FBXL20: variants seen among roughly 807,000 people sequenced by gnomAD.
The protein encoded by FBXL20 is F-box/LRR-repeat protein 20.
FBXL20 carries 11 observed loss-of-function variants against 64.0 expected under a neutral mutation model. That is an observed-to-expected ratio of 0.17 (90% CI 0.11 to 0.28). FBXL20 has a LOEUF of 0.28. Ranked by LOEUF, FBXL20 falls within the 10% of genes least tolerant of loss-of-function variation. FBXL20 has a pLI of 1.00. For missense variants in FBXL20, 303 were observed against 526.2 expected, an observed-to-expected ratio of 0.58 and a Z score of 4.15; for synonymous variants, 184 against 189.0, an observed-to-expected ratio of 0.97 and a Z score of 0.22.
chr17:39,364,061 T>C (rs2047833467), intron 1 of FBXL20, among the ~76,000 whole-genome samples: 1 of 151,830 alleles, frequency 6.6e-6, no homozygotes, highest in Non-Finnish European at 1.5e-5. Context: ...GACTAGTTTT[T>C]GTATTTTTAG....
intron 1 of FBXL20, among the ~76,000 whole-genome samples, chr17:39,379,485 C>CAAA (rs375953565): frequency 3.1e-5 from 4 of 127,090 alleles, no homozygotes; most frequent in Admixed American, 8.1e-5. Context: ...CATCCCTTAC[C>CAAA]AAAAAAAAAA....
At chr17:39,311,482 G>A (rs1046424399) in intron 2 of FBXL20, among the ~76,000 whole-genome samples, 9 of 152,066 alleles carry the variant, frequency 5.9e-5, no homozygotes, top group Non-Finnish European at 1.2e-4. Flanking sequence ...AAATAACCAG[G>A]AAAGGTTGTA....
chr17:39,312,942 G>A (rs971262142), intron 2 of FBXL20, among the ~76,000 whole-genome samples: 4 of 123,510 alleles, frequency 3.2e-5, no homozygotes, highest in African/African-American at 1.4e-4. Flanking sequence ...TTTTTGAGAT[G>A]GAGGCGCATC....
chr17:39,311,589 T>G lies in FBXL20; in HGVS notation c.105-7950A>C, dbSNP rs144931650. ...TTCAATATTGATTATCCAACTCCACTCCCAAATAAACATATATACTTCCAA... is the reference window on the plus strand; with the variant it reads ...TTCAATATTGATTATCCAACTCCACGCCCAAATAAACATATATACTTCCAA... On this transcript the variant is annotated intron_variant, in intron 2 of 14. Coordinates refer to ENST00000264658, the MANE Select transcript of FBXL20 (RefSeq NM_032875.3). Among the ~76,000 whole-genome samples, 412 of 152,188 alleles carry G rather than the reference T, an allele frequency of 2.7e-3. 2 individuals carry two copies. The highest frequency in any genetic ancestry group is 9.4e-3 in the African/African-American group (389 of 41,520).
chr17:39,313,443 G>A (rs1229299483), intron 2 of FBXL20, among the ~76,000 whole-genome samples: 2 of 150,674 alleles, frequency 1.3e-5, no homozygotes, highest in African/African-American at 2.4e-5. Flanking sequence ...ATGTTGGCCA[G>A]GCTGGTCTCA....
At chr17:39,337,985 T>C (rs1387186191) in intron 2 of FBXL20, among the ~76,000 whole-genome samples, 1 of 138,316 alleles carries the variant, frequency 7.2e-6, no homozygotes, top group East Asian at 2.4e-4. Context: ...CGGCCGCCCC[T>C]ACTGGGAAGT....
At chr17:39,261,657 A>G (rs1442863536) in intron 14 of FBXL20, 90 bp from the exon 15 acceptor site, 1 of 936,950 alleles carries the variant, frequency 1.1e-6, no homozygotes. Flanking sequence ...GAGGGGCTCA[A>G]TGAACATAAA....
chr17:39,320,487 A>G (rs2144511119), intron 2 of FBXL20, among the ~76,000 whole-genome samples: 1 of 152,222 alleles, frequency 6.6e-6, no homozygotes, highest in Admixed American at 6.6e-5. Flanking sequence ...TTCACACATA[A>G]CTATTAGCAT....
At chr17:39,299,151 A>C in intron 4 of FBXL20, 67 bp from the exon 5 acceptor site, 1 of 1,054,580 alleles carries the variant, frequency 9.5e-7, no homozygotes, top group Non-Finnish European at 1.4e-6. Flanking sequence ...ACACATACTC[A>C]TTTTTAACGA....
intron 2 of FBXL20, among the ~76,000 whole-genome samples, chr17:39,307,973 A>C (rs1033800010): frequency 4.8e-5 from 7 of 144,884 alleles, no homozygotes; most frequent in African/African-American, 2.0e-4. Context: ...ATCATTTCAA[A>C]AAAAAAAAAA....
chr17:39,333,372 C>A (rs1366661381), intron 2 of FBXL20, among the ~76,000 whole-genome samples: 1 of 152,234 alleles, frequency 6.6e-6, no homozygotes, highest in Non-Finnish European at 1.5e-5. Context: ...GTCTCCAGCT[C>A]CTGACCGCGA....
At chr17:39,337,914 G>T (rs12019852) in intron 2 of FBXL20, among the ~76,000 whole-genome samples, 10 of 150,584 alleles carry the variant, frequency 6.6e-5, no homozygotes, top group Non-Finnish European at 8.9e-5. Context: ...GGAGGGAGGT[G>T]GGGGGGTCAG....
chr17:39,282,709 A>G lies in FBXL20; in HGVS notation c.621+20T>C. 1.2e-6 allele frequency: 2 copies of G among 1,613,856 alleles called. No individual in the cohort carries two copies. On this transcript the variant is annotated intron_variant, in intron 8 of 14. Transcript: ENST00000264658. ...ATTCACGATTCTTCCGAATTTCACG[A>G]GCCCTACATGGAGTATTACCTGCGT...
chr17:39,398,587 A>G (rs1212187271), intron 1 of FBXL20, among the ~76,000 whole-genome samples: 1 of 152,130 alleles, frequency 6.6e-6, no homozygotes, highest in East Asian at 1.9e-4. Flanking sequence ...TGATCTCTTA[A>G]ATAGAGATTC....
chr17:39,262,193 G>A (rs2046752704), intron 14 of FBXL20, among the ~76,000 whole-genome samples: 1 of 152,094 alleles, frequency 6.6e-6, no homozygotes, highest in African/African-American at 2.4e-5. Context: ...TCTGAAGAGG[G>A]GAAGAGGAAC....
intron 2 of FBXL20, among the ~76,000 whole-genome samples, chr17:39,327,800 A>T (rs558835476): frequency 6.6e-6 from 1 of 152,212 alleles, no homozygotes; most frequent in African/African-American, 2.4e-5. Flanking sequence ...TCCCGGGTTC[A>T]TGCCATTCTC....
intron 3 of FBXL20, among the ~76,000 whole-genome samples, chr17:39,301,810 G>A (rs2047138608): frequency 6.6e-6 from 1 of 151,442 alleles, no homozygotes; most frequent in Non-Finnish European, 1.5e-5. Context: ...GGTGGGAGGT[G>A]AGCCAGGAGG....
At chr17:39,264,146 G>C (rs1302057066) in intron 14 of FBXL20, 29 bp downstream of exon 14, 1 of 1,603,650 alleles carries the variant, frequency 6.2e-7, no homozygotes, top group Non-Finnish European at 8.5e-7. Context: ...GCTAACACTA[G>C]AGTTGGAGAG....
Position 39,401,422 on chromosome 17 carries a change from C to A in FBXL20, c.-20G>T. ...CCTCATGGGGCCGGCGGGTGCGGCC[C>A]GGGCCGGGCGCTGCGGCGAGCGGAG... On this transcript the variant is annotated 5_prime_UTR_variant, in exon 1 of 15. Coordinates refer to ENST00000264658, the MANE Select transcript of FBXL20 (RefSeq NM_032875.3). 1 of 1,586,312 alleles carries A rather than the reference C, an allele frequency of 6.3e-7. No homozygotes were observed.
Sources: gnomAD v4.1 joint callset for allele counts (sites outside exome capture counted in the v4.1 genomes callset) on GRCh38, gnomAD v4.1.1 for gene constraint, MANE v1.5 for transcripts, NCBI Gene and HGNC (gene_info 2026-07-23, HGNC 2026-07-21) for gene names.